ASCC3: variants seen among roughly 807,000 people sequenced by gnomAD.
ASCC3 encodes the protein ASC-1 complex subunit P200.
ASCC3 carries 158 observed loss-of-function variants against 256.3 expected under a neutral mutation model. The ratio of observed to expected loss-of-function variants is 0.62; its 90% CI spans 0.54 to 0.70. ASCC3 has a LOEUF of 0.70. Ranked by LOEUF, ASCC3 falls within the 30% of genes least tolerant of loss-of-function variation. ASCC3 has a pLI of 0.00. For missense variants in ASCC3, 2,259 were observed against 2,626.0 expected (o/e 0.86, Z 3.05); for synonymous variants, 948 against 883.4 (o/e 1.07, Z -1.30).
In ASCC3 at chr6:100,532,362, G is replaced by A. The variant is rs1482147458; in HGVS notation, c.5775+7801C>T. On this transcript the variant is annotated intron_variant, in intron 37 of 41. Coordinates refer to ENST00000369162, the MANE Select transcript of ASCC3 (RefSeq NM_006828.4). ...TGTGTGTGTGTGTGTGTGTGTGTGTGTGTGTGTGTATGTGTGTATATATAT... is the reference window on the plus strand; with the variant it reads ...TGTGTGTGTGTGTGTGTGTGTGTGTATGTGTGTGTATGTGTGTATATATAT... Among the ~76,000 whole-genome samples the A allele has an allele frequency of 6.4e-3, 843 of 132,110 alleles. 6 individuals carry two copies. The highest frequency in any genetic ancestry group is 0.024 in the African/African-American group (797 of 33,302). 86.7% of individuals were successfully genotyped at this position (132,110 alleles called of 152,430 possible). A position where few individuals can be genotyped will look rare whatever the true frequency, so the allele number is the denominator to read the frequency against.
intron 36 of ASCC3, among the ~76,000 whole-genome samples, chr6:100,558,870 T>C (rs1769771521): frequency 6.6e-6 from 1 of 152,154 alleles, no homozygotes; most frequent in African/African-American, 2.4e-5. Flanking sequence ...CACTTATGAA[T>C]CTTGCATTTT....
rs116761267 is a variant in ASCC3 at position 100,592,675 on chromosome 6, T to A, written c.5304-2616A>T. 6.7e-3 allele frequency among the ~76,000 whole-genome samples: 1,020 copies of A among 152,206 alleles called. 5 individuals are homozygous for A. Among genetic ancestry groups the A allele is most frequent in the African/African-American group, 0.022 (935 of 41,556 alleles). ...TTTACTTCTATGAGGTGAACTTTTT[T>A]TAGTTACTGTGCATCTTCTAGCCTG... On this transcript the variant is annotated intron_variant, in intron 34 of 41. Transcript: ENST00000369162.
intron 24 of ASCC3, among the ~76,000 whole-genome samples, chr6:100,641,513 T>G (rs1775118169): frequency 6.6e-6 from 1 of 152,330 alleles, no homozygotes; most frequent in East Asian, 1.9e-4. Context: ...GAAGTGTCTG[T>G]TCATATCCTT....
At chr6:100,860,628 G>GT (rs1306549458) in intron 3 of ASCC3, among the ~76,000 whole-genome samples, 2 of 151,962 alleles carry the variant, frequency 1.3e-5, no homozygotes, top group African/African-American at 4.8e-5. Context: ...TCTGATTCCT[G>GT]TAATACCTGT....
intron 16 of ASCC3, among the ~76,000 whole-genome samples, chr6:100,658,339 T>C (rs904076543): frequency 6.6e-6 from 1 of 151,468 alleles, no homozygotes; most frequent in Non-Finnish European, 1.5e-5. Flanking sequence ...TATCTAACTT[T>C]AGTATTTAAG....
intron 36 of ASCC3, among the ~76,000 whole-genome samples, chr6:100,575,492 G>C (rs1277368579): frequency 6.6e-6 from 1 of 152,012 alleles, no homozygotes. Flanking sequence ...GAACAGTACT[G>C]AGAACGGCTA....
At chr6:100,663,512 T>C (rs2114934803) in intron 14 of ASCC3, among the ~76,000 whole-genome samples, 1 of 152,146 alleles carries the variant, frequency 6.6e-6, no homozygotes, top group South Asian at 2.1e-4. Context: ...AGTATCACAG[T>C]GTTTGCAAGT....
chr6:100,605,754 A>G, intron 32 of ASCC3, 54 bp from the exon 33 acceptor site: 2 of 1,559,196 alleles, frequency 1.3e-6, no homozygotes, highest in East Asian at 2.2e-5. Flanking sequence ...AGCACAAGGT[A>G]TATTTACTGA....
chr6:100,851,666 C>G (rs1207462282), intron 3 of ASCC3, among the ~76,000 whole-genome samples: 1 of 152,152 alleles, frequency 6.6e-6, no homozygotes, highest in Non-Finnish European at 1.5e-5. Flanking sequence ...TGTTAATACT[C>G]TACCCTAATT....
intron 4 of ASCC3, among the ~76,000 whole-genome samples, chr6:100,828,606 T>C (rs1771450422): frequency 6.6e-6 from 1 of 152,202 alleles, no homozygotes. Flanking sequence ...GTGGTCTCAC[T>C]GGCTCAGGAG....
intron 25 of ASCC3, among the ~76,000 whole-genome samples, chr6:100,637,444 T>C (rs1236531054): frequency 1.3e-5 from 2 of 152,196 alleles, no homozygotes; most frequent in Non-Finnish European, 2.9e-5. Flanking sequence ...TACAAAGAGA[T>C]GAATGTTGTT....
rs139986009 is a variant in ASCC3, at chr6:100,561,008, C to T, written c.5551-20621G>A. ...TATGAGGATACATCAGGTATATATG[C>T]ATTTCCAAATTCTCAAATATAGCAA... On this transcript the variant is annotated intron_variant, in intron 36 of 41. Transcript: ENST00000369162. Among the ~76,000 whole-genome samples, 117 of 151,824 alleles carry T rather than the reference C, an allele frequency of 7.7e-4. 1 individual carries two copies. The highest frequency in any genetic ancestry group is 2.7e-3 in the African/African-American group (110 of 41,404).
chr6:100,735,866 G>A (rs1780130482), intron 10 of ASCC3, among the ~76,000 whole-genome samples: 1 of 152,104 alleles, frequency 6.6e-6, no homozygotes, highest in Admixed American at 6.6e-5. Context: ...CAGCCCCTGA[G>A]CTTACATATT....
At chr6:100,878,600 GTAT>G (rs1418612819) in intron 1 of ASCC3, among the ~76,000 whole-genome samples, 1 of 152,192 alleles carries the variant, frequency 6.6e-6, no homozygotes, top group Non-Finnish European at 1.5e-5. Flanking sequence ...TAGGCAGTAT[GTAT>G]TATAACTCTT....
intron 13 of ASCC3, 37 bp downstream of exon 13, chr6:100,715,425 A>C (rs1223624760): frequency 6.5e-7 from 1 of 1,543,440 alleles, no homozygotes; most frequent in East Asian, 2.3e-5. Flanking sequence ...CTCTAAAAGC[A>C]GATAAATAAG....
At chr6:100,879,779 A>G (rs1769196485) in intron 1 of ASCC3, among the ~76,000 whole-genome samples, 1 of 152,216 alleles carries the variant, frequency 6.6e-6, no homozygotes, top group African/African-American at 2.4e-5. Flanking sequence ...TGGTACATAT[A>G]CTACTTTTTG....
chr6:100,659,809 T>G (rs1255284675), intron 16 of ASCC3, among the ~76,000 whole-genome samples: 1 of 151,570 alleles, frequency 6.6e-6, no homozygotes, highest in Admixed American at 6.6e-5. Context: ...TGACATGCAT[T>G]CATGCGTTTT....
intron 39 of ASCC3, among the ~76,000 whole-genome samples, chr6:100,514,122 A>G (rs1447400087): frequency 6.6e-6 from 1 of 152,158 alleles, no homozygotes; most frequent in East Asian, 1.9e-4. Flanking sequence ...TGTAAATTCA[A>G]TGCAAATTTT....
intron 33 of ASCC3, 100 bp from the exon 34 acceptor site, chr6:100,602,035 T>C: frequency 7.6e-7 from 1 of 1,322,100 alleles, no homozygotes; most frequent in Non-Finnish European, 1.0e-6. Context: ...TGTTCTAAGA[T>C]AAAAACAAAT....
Sources: gnomAD v4.1 joint callset for allele counts (sites outside exome capture counted in the v4.1 genomes callset) on GRCh38, gnomAD v4.1.1 for gene constraint, MANE v1.5 for transcripts, NCBI Gene and HGNC (gene_info 2026-07-23, HGNC 2026-07-21) for gene names.